The following CYYR1 variants were observed in gnomAD, a reference collection of about 807,000 sequenced individuals.
CYYR1 encodes the protein cysteine and tyrosine rich 1.
CYYR1 carries 14 observed loss-of-function variants against 15.2 expected under a neutral mutation model. The observed-to-expected ratio is 0.92, with a 90% CI of 0.61 to 1.44. The LOEUF (loss-of-function observed/expected upper bound fraction) is 1.44, where lower values mean the gene tolerates loss of function less well. Ranked by LOEUF, CYYR1 falls within the 40% of genes most tolerant of loss-of-function variation. The pLI is 0.00. For missense variants in CYYR1, 228 were observed against 209.5 expected, an observed-to-expected ratio of 1.09 and a Z score of -0.54; for synonymous variants, 80 against 77.4, an observed-to-expected ratio of 1.03 and a Z score of -0.18.
chr21:26,533,415 A>G (rs1173711072), intron 2 of CYYR1, among the ~76,000 whole-genome samples: 2 of 152,126 alleles, frequency 1.3e-5, no homozygotes, highest in African/African-American at 4.8e-5. Flanking sequence ...GGTCTGTGGT[A>G]TAAGTTCTGG....
chr21:26,511,433 A>C (rs222920), intron 2 of CYYR1, among the ~76,000 whole-genome samples: 40,061 of 152,146 alleles, frequency 0.26, 5,528 homozygotes, highest in African/African-American at 0.32. Context: ...TACTGTGATG[A>C]ACAAAAGAAG....
chr21:26,507,533 A>G (rs1208075651), intron 2 of CYYR1, among the ~76,000 whole-genome samples: 1 of 152,290 alleles, frequency 6.6e-6, no homozygotes, highest in Non-Finnish European at 1.5e-5. Flanking sequence ...TTCTCAATGG[A>G]TTTCTCCTTT....
intron 2 of CYYR1, among the ~76,000 whole-genome samples, chr21:26,534,346 T>C (rs1001323429): frequency 6.6e-6 from 1 of 152,206 alleles, no homozygotes; most frequent in Non-Finnish European, 1.5e-5. Context: ...TCAGAGGCAG[T>C]GGCCTCTCTA....
intron 2 of CYYR1, among the ~76,000 whole-genome samples, chr21:26,517,114 C>CAAAAAAAAAA (rs61352955): frequency 6.4e-5 from 3 of 46,706 alleles, no homozygotes; most frequent in African/African-American, 1.8e-4. Flanking sequence ...GACTCCGTCT[C>CAAAAAAAAAA]AAAAAAAAAA....
At chr21:26,472,362 G>A (rs947633640) in intron 3 of CYYR1, among the ~76,000 whole-genome samples, 1 of 151,492 alleles carries the variant, frequency 6.6e-6, no homozygotes, top group Non-Finnish European at 1.5e-5. Context: ...TAAAATTCCA[G>A]GAATTAATTA....
chr21:26,482,655 C>T, intron 2 of CYYR1: 1 of 219,722 alleles, frequency 4.6e-6, no homozygotes, highest in Non-Finnish European at 7.7e-6. Flanking sequence ...TAATGCTTCA[C>T]TCTTACGTGA....
chr21:26,564,411 G>A (rs1274194883), intron 2 of CYYR1, among the ~76,000 whole-genome samples: 1 of 152,060 alleles, frequency 6.6e-6, no homozygotes, highest in Non-Finnish European at 1.5e-5. Flanking sequence ...GATGCCATCT[G>A]TGTTTATTTT....
chr21:26,482,344 G>A, intron 2 of CYYR1: 5 of 985,128 alleles, frequency 5.1e-6, no homozygotes, highest in Non-Finnish European at 6.0e-6. Context: ...AAAATTCCTA[G>A]AAATCTTTCC....
chr21:26,557,630 G>A (rs1331620646), intron 2 of CYYR1, among the ~76,000 whole-genome samples: 1 of 152,082 alleles, frequency 6.6e-6, no homozygotes, highest in Non-Finnish European at 1.5e-5. Context: ...TTTCCCTAAG[G>A]CTCCGTTGTT....
At chr21:26,534,538 G>A (rs2065972339) in intron 2 of CYYR1, among the ~76,000 whole-genome samples, 1 of 152,052 alleles carries the variant, frequency 6.6e-6, no homozygotes, top group African/African-American at 2.4e-5. Flanking sequence ...CAGGAGACTG[G>A]AGATGGAGAG....
intron 2 of CYYR1, among the ~76,000 whole-genome samples, chr21:26,529,430 A>G (rs1167020464): frequency 6.6e-6 from 1 of 152,242 alleles, no homozygotes. Flanking sequence ...CAATGCATTT[A>G]TAAAGTAATT....
chr21:26,490,253 TA>T (rs2065310058), intron 2 of CYYR1, among the ~76,000 whole-genome samples: 1 of 152,030 alleles, frequency 6.6e-6, no homozygotes, highest in African/African-American at 2.4e-5. Context: ...TGAGCCAAGA[TA>T]GCCTCACTGC....
chr21:26,530,627 G>A (rs781676305), intron 2 of CYYR1, among the ~76,000 whole-genome samples: 2 of 151,378 alleles, frequency 1.3e-5, no homozygotes, highest in African/African-American at 2.4e-5. Context: ...CCAACCCCTC[G>A]ACAGGCCCCG....
At chr21:26,481,699 T>G (rs1394248748) in intron 2 of CYYR1, among the ~76,000 whole-genome samples, 1 of 152,050 alleles carries the variant, frequency 6.6e-6, no homozygotes, top group Non-Finnish European at 1.5e-5. Flanking sequence ...TTTGCATGCA[T>G]GTGTCTTTAT....
intron 2 of CYYR1, among the ~76,000 whole-genome samples, chr21:26,534,926 T>G (rs1291005607): frequency 2.0e-5 from 3 of 152,200 alleles, no homozygotes; most frequent in Admixed American, 2.0e-4. Context: ...CTCCTTGAGT[T>G]TGCAAAGTAA....
At chr21:26,538,007 A>G (rs1226819368) in intron 2 of CYYR1, among the ~76,000 whole-genome samples, 1 of 152,202 alleles carries the variant, frequency 6.6e-6, no homozygotes, top group African/African-American at 2.4e-5. Flanking sequence ...CAATCAGTCT[A>G]CGTTGTTTTA....
chr21:26,557,943 A>C (rs1601829685), intron 2 of CYYR1, among the ~76,000 whole-genome samples: 1 of 152,354 alleles, frequency 6.6e-6, no homozygotes, highest in South Asian at 2.1e-4. Context: ...CAGAAACCTC[A>C]GAATTAATTC....
intron 3 of CYYR1, among the ~76,000 whole-genome samples, chr21:26,472,993 C>G (rs867232475): frequency 1.3e-5 from 2 of 151,978 alleles, no homozygotes; most frequent in Non-Finnish European, 2.9e-5. Flanking sequence ...TTGGTTAGGC[C>G]GAATTATCTA....
intron 2 of CYYR1, among the ~76,000 whole-genome samples, chr21:26,562,276 C>CA (rs1443693754): frequency 6.6e-6 from 1 of 152,158 alleles, no homozygotes; most frequent in Non-Finnish European, 1.5e-5. Flanking sequence ...TGTAACATCT[C>CA]AAAGTTTGCA....
Sources: allele counts gnomAD v4.1 joint callset (sites outside exome capture counted in the v4.1 genomes callset), GRCh38; gene constraint gnomAD v4.1.1; transcripts MANE v1.5; gene names NCBI Gene and HGNC (gene_info 2026-07-23, HGNC 2026-07-21).